FAM171A1: variants seen among roughly 807,000 people sequenced by gnomAD.
FAM171A1 encodes protein FAM171A1.
FAM171A1 carries 23 observed loss-of-function variants against 74.9 expected under a neutral mutation model. The ratio of observed to expected loss-of-function variants is 0.31; its 90% CI spans 0.22 to 0.44. The LOEUF is 0.44. Among genes scored for constraint, FAM171A1 ranks in the 20% least tolerant of loss-of-function variants. FAM171A1 has a pLI of 1.00. For missense variants in FAM171A1, 1,162 were observed against 1,159.2 expected (o/e 1.00, Z -0.03); for synonymous variants, 527 against 505.7 (o/e 1.04, Z -0.57).
chr10:15,350,437 G>A (rs1016240231), intron 1 of FAM171A1, among the ~76,000 whole-genome samples: 11 of 151,786 alleles, frequency 7.2e-5, no homozygotes, highest in African/African-American at 2.7e-4. Context: ...TGCCTCCTTG[G>A]TTCATGCAAT....
At chr10:15,245,644 C>T (rs1475532424) in intron 5 of FAM171A1, among the ~76,000 whole-genome samples, 1 of 152,234 alleles carries the variant, frequency 6.6e-6, no homozygotes, top group African/African-American at 2.4e-5. Flanking sequence ...CAGGGCCACA[C>T]AGCCAGTGGG....
intron 3 of FAM171A1, among the ~76,000 whole-genome samples, chr10:15,268,507 G>A (rs1834777415): frequency 6.6e-6 from 1 of 151,078 alleles, no homozygotes; most frequent in Admixed American, 6.6e-5. Flanking sequence ...CATTGATCAC[G>A]GGAAGGCCAA....
intron 5 of FAM171A1, among the ~76,000 whole-genome samples, chr10:15,231,639 C>A (rs1403411416): frequency 1.3e-5 from 2 of 151,930 alleles, no homozygotes; most frequent in African/African-American, 4.8e-5. Flanking sequence ...GTTGCCACAC[C>A]CGCAAAATGC....
chr10:15,292,034 T>C (rs10752361), intron 1 of FAM171A1, among the ~76,000 whole-genome samples: 126,621 of 152,212 alleles, frequency 0.83, 53,401 homozygotes, highest in East Asian at 0.93. Context: ...ATGTATTTCT[T>C]AAGTTCAGGT....
intron 1 of FAM171A1, among the ~76,000 whole-genome samples, chr10:15,318,634 T>C (rs1339810701): frequency 6.6e-6 from 1 of 152,178 alleles, no homozygotes; most frequent in East Asian, 1.9e-4. Context: ...GTGTGTGTCA[T>C]CTCATGCTTT....
In FAM171A1 at chr10:15,251,860, T is replaced by G. The variant is rs75880202; in HGVS notation, c.577+2861A>C. Among the ~76,000 whole-genome samples, 411 of 152,280 alleles carry G rather than the reference T, an allele frequency of 2.7e-3. 4 individuals are homozygous for G. Among genetic ancestry groups the G allele is most frequent in the African/African-American group, 9.4e-3 (391 of 41,570 alleles). The stretch of plus-strand genomic sequence containing the variant: ...GATGTTGCCTGGCTCCCTTTAAGTC[T>G]GCACAAAGACAAGCAGGTGTCAGGC... On this transcript the variant is annotated intron_variant, in intron 4 of 7. Transcript: ENST00000378116.
At chr10:15,239,437 G>C (rs35219015) in intron 5 of FAM171A1, among the ~76,000 whole-genome samples, 11,473 of 151,924 alleles carry the variant, frequency 0.076, 485 homozygotes, top group Middle Eastern at 0.18. Context: ...GCTGGGATTA[G>C]AGGCACCCAC....
intron 5 of FAM171A1, among the ~76,000 whole-genome samples, chr10:15,235,924 T>C (rs2131740044): frequency 6.6e-6 from 1 of 152,022 alleles, no homozygotes; most frequent in South Asian, 2.1e-4. Flanking sequence ...ACCTACAAGG[T>C]GAGGATAACA....
At chr10:15,366,910 A>C (rs1361600388) in intron 1 of FAM171A1, among the ~76,000 whole-genome samples, 5 of 152,222 alleles carry the variant, frequency 3.3e-5, no homozygotes, top group African/African-American at 1.2e-4. Flanking sequence ...ATTAAAACTG[A>C]GAAAGTGGCT....
intron 1 of FAM171A1, among the ~76,000 whole-genome samples, chr10:15,310,152 G>A (rs1260057778): frequency 6.6e-6 from 1 of 152,230 alleles, no homozygotes; most frequent in Non-Finnish European, 1.5e-5. Flanking sequence ...TGCAATGCCT[G>A]TGTGGGGGCA....
At chr10:15,321,318 T>C (rs532741415) in intron 1 of FAM171A1, among the ~76,000 whole-genome samples, 22 of 152,304 alleles carry the variant, frequency 1.4e-4, no homozygotes, top group African/African-American at 5.1e-4. Context: ...CCCCAATTTA[T>C]GTTCAGGGGT....
chr10:15,304,513 C>T (rs1835270076), intron 1 of FAM171A1, among the ~76,000 whole-genome samples: 1 of 152,148 alleles, frequency 6.6e-6, no homozygotes, highest in Admixed American at 6.5e-5. Context: ...CAAAATTAGT[C>T]AAATTAGCCA....
At chr10:15,258,567 T>C (rs925815937) in intron 3 of FAM171A1, among the ~76,000 whole-genome samples, 2 of 152,208 alleles carry the variant, frequency 1.3e-5, no homozygotes, top group African/African-American at 4.8e-5. Flanking sequence ...GTTATCCCCA[T>C]AAGCGAATGC....
intron 1 of FAM171A1, among the ~76,000 whole-genome samples, chr10:15,313,329 C>T (rs1243440478): frequency 6.6e-5 from 10 of 152,232 alleles, no homozygotes; most frequent in Non-Finnish European, 1.2e-4. Context: ...CCCTGGGCAG[C>T]CAGCCCATTC....
At chr10:15,244,064 T>C (rs1304911231) in intron 5 of FAM171A1, among the ~76,000 whole-genome samples, 1 of 152,132 alleles carries the variant, frequency 6.6e-6, no homozygotes, top group Admixed American at 6.5e-5. Flanking sequence ...TTTAAAGATA[T>C]CTAAATTGGC....
chr10:15,336,743 C>T (rs993754031), intron 1 of FAM171A1, among the ~76,000 whole-genome samples: 5 of 152,102 alleles, frequency 3.3e-5, no homozygotes, highest in Admixed American at 6.6e-5. Flanking sequence ...ACTGACAGAA[C>T]TAACATGTTT....
intron 3 of FAM171A1, 48 bp from the exon 4 acceptor site, chr10:15,254,927 T>G (rs778760464): frequency 1.3e-6 from 2 of 1,579,692 alleles, no homozygotes; most frequent in Non-Finnish European, 1.7e-6. Flanking sequence ...CAGTTTCTGT[T>G]TTTAGAAAAT....
At chr10:15,257,660 T>C (rs12775848) in intron 3 of FAM171A1, among the ~76,000 whole-genome samples, 43,097 of 151,802 alleles carry the variant, frequency 0.28, 6,887 homozygotes, top group Middle Eastern at 0.46. Flanking sequence ...CCGGTGCAGC[T>C]TATCTGACAC....
At chr10:15,270,103 C>T (rs7897752) in intron 3 of FAM171A1, among the ~76,000 whole-genome samples, 111 of 152,282 alleles carry the variant, frequency 7.3e-4, no homozygotes, top group African/African-American at 2.5e-3. Context: ...GGAAGCGCAA[C>T]GGGTCGGGGA....
Sources: allele counts gnomAD v4.1 joint callset (sites outside exome capture counted in the v4.1 genomes callset), GRCh38; gene constraint gnomAD v4.1.1; transcripts MANE v1.5; gene names NCBI Gene and HGNC (gene_info 2026-07-23, HGNC 2026-07-21).